Variants in ZNF366 observed in about 807,000 individuals in gnomAD.
ZNF366 encodes the protein dendritic cell-specific transcript protein.
A neutral mutation model predicts 47.2 loss-of-function variants in ZNF366; 20 were observed. The observed-to-expected ratio is 0.42, with a 90% CI of 0.30 to 0.62. ZNF366 has a LOEUF of 0.62. Ranked by LOEUF, ZNF366 falls within the 20% of genes least tolerant of loss-of-function variation. The pLI, the probability that ZNF366 is intolerant of heterozygous loss-of-function variation, is 0.16. For synonymous variants in ZNF366, 421 were observed against 395.1 expected, an observed-to-expected ratio of 1.07 and a Z score of -0.78; for missense variants, 987 against 976.3, an observed-to-expected ratio of 1.01 and a Z score of -0.15.
intron 3 of ZNF366, among the ~76,000 whole-genome samples, chr5:72,447,743 A>G (rs1742989295): frequency 6.6e-6 from 1 of 152,246 alleles, no homozygotes; most frequent in Non-Finnish European, 1.5e-5. Flanking sequence ...TCCTTTAATA[A>G]TAAGAATGTG....
rs1693693356 is a variant in ZNF366, at chr5:72,444,241, T to A, written c.1750A>T (p.Ser584Cys). ...ALAQTAGVLR[S>C]LEQEEPFDLS... Reference sequence around the variant, plus strand: ...TCAAAGGGCTCCTCCTGCTCCAGACTCCTCAGGACACCGGCTGTCTGTGCC... The same window carrying A: ...TCAAAGGGCTCCTCCTGCTCCAGACACCTCAGGACACCGGCTGTCTGTGCC... Residue 584 changes from serine (S) to cysteine (C), a missense_variant, in exon 5 of 5, where the codon AGT becomes TGT. Coordinates refer to ENST00000318442, the MANE Select transcript of ZNF366 (RefSeq NM_152625.3). The A allele has an allele frequency of 6.2e-7, 1 of 1,613,384 alleles. No individual in the cohort carries two copies. Among genetic ancestry groups the A allele is most frequent in the South Asian group, 1.1e-5 (1 of 91,086 alleles).
At chr5:72,493,918 C>CTTTTTTTTTTTTTTTT (rs70999281) in intron 1 of ZNF366, among the ~76,000 whole-genome samples, 1 of 62,514 alleles carries the variant, frequency 1.6e-5, no homozygotes, top group East Asian at 6.1e-4. Flanking sequence ...CCATGCCCAG[C>CTTTTTTTTTTTTTTTT]TTTTTTTTTT....
intron 1 of ZNF366, among the ~76,000 whole-genome samples, chr5:72,491,547 A>G (rs1273293216): frequency 6.6e-6 from 1 of 152,204 alleles, no homozygotes; most frequent in East Asian, 1.9e-4. Flanking sequence ...TCTCTAAGCC[A>G]CAGTTTCCTC....
chr5:72,495,873 C>T (rs917081831), intron 1 of ZNF366, among the ~76,000 whole-genome samples: 2 of 152,168 alleles, frequency 1.3e-5, no homozygotes, highest in African/African-American at 4.8e-5. Flanking sequence ...TTAAATGTTT[C>T]CTTACATCCC....
At chr5:72,475,889 G>A (rs1743664195) in intron 1 of ZNF366, among the ~76,000 whole-genome samples, 1 of 152,078 alleles carries the variant, frequency 6.6e-6, no homozygotes, top group African/African-American at 2.4e-5. Flanking sequence ...GTGACACCAT[G>A]CCGTCATGAA....
rs1742823082 is a variant in ZNF366 at position 72,439,925 on chromosome 5, C to T, written c.*3831G>A. Reference sequence around the variant, plus strand: ...AGCTTTTTCAACATGTCTTTATTTGCTTAAATTAACAAAATATAGGTTACA... The same window carrying T: ...AGCTTTTTCAACATGTCTTTATTTGTTTAAATTAACAAAATATAGGTTACA... On this transcript the variant is annotated 3_prime_UTR_variant, in exon 5 of 5. Coordinates refer to ENST00000318442, the MANE Select transcript of ZNF366 (RefSeq NM_152625.3). 6.6e-6 allele frequency: 1 copy of T among 152,172 alleles called. No individual in the cohort carries two copies. Among genetic ancestry groups the T allele is most frequent in the Non-Finnish European group, 1.5e-5 (1 of 68,028 alleles). The allele number at this position is 152,172 out of a possible 1,614,324, so 9.4% of individuals were successfully genotyped here. A position where few individuals can be genotyped will look rare whatever the true frequency, so the allele number is the denominator to read the frequency against.
At chr5:72,504,043 A>ACATGCACACACG (rs1233184195) in intron 1 of ZNF366, among the ~76,000 whole-genome samples, 1 of 151,710 alleles carries the variant, frequency 6.6e-6, no homozygotes, top group East Asian at 1.9e-4. Flanking sequence ...CCACACACAC[A>ACATGCACACACG]CATGCACACA....
chr5:72,456,159 T>G (rs1010858688), intron 3 of ZNF366, among the ~76,000 whole-genome samples: 5 of 152,182 alleles, frequency 3.3e-5, no homozygotes, highest in African/African-American at 1.2e-4. Flanking sequence ...TGCCTGGCTC[T>G]ACCCCTGGGC....
intron 1 of ZNF366, among the ~76,000 whole-genome samples, chr5:72,498,438 C>A (rs1744153426): frequency 6.6e-6 from 1 of 152,166 alleles, no homozygotes; most frequent in Admixed American, 6.5e-5. Flanking sequence ...AGTACACACA[C>A]TCAATCCTCT....
chr5:72,456,373 C>A (rs1298807536), intron 3 of ZNF366, 31 bp downstream of exon 3: 4 of 1,567,048 alleles, frequency 2.6e-6, no homozygotes, highest in Non-Finnish European at 2.6e-6. Context: ...TTTGCACAAC[C>A]CTCTGGTTCC....
intron 1 of ZNF366, among the ~76,000 whole-genome samples, chr5:72,497,874 T>G (rs929094281): frequency 6.6e-6 from 1 of 152,362 alleles, no homozygotes; most frequent in Middle Eastern, 3.4e-3. Flanking sequence ...TTTTATTTTG[T>G]GCATGTTTAT....
intron 1 of ZNF366, among the ~76,000 whole-genome samples, chr5:72,477,887 G>T (rs1580246534): frequency 6.6e-6 from 1 of 152,010 alleles, no homozygotes; most frequent in East Asian, 1.9e-4. Context: ...AAAAAAAAGT[G>T]GTGGGCTGGA....
intron 4 of ZNF366, among the ~76,000 whole-genome samples, chr5:72,445,498 T>C (rs531670545): frequency 6.6e-6 from 1 of 152,332 alleles, no homozygotes; most frequent in East Asian, 1.9e-4. Context: ...TTTTGAGCCA[T>C]TTCAAAAGCT....
intron 1 of ZNF366, among the ~76,000 whole-genome samples, chr5:72,497,441 T>C (rs1293857085): frequency 6.6e-6 from 1 of 152,170 alleles, no homozygotes; most frequent in Non-Finnish European, 1.5e-5. Flanking sequence ...ATTGAACATA[T>C]ACTGAGAGTC....
chr5:72,492,701 G>T (rs1415943176), intron 1 of ZNF366, among the ~76,000 whole-genome samples: 1 of 152,220 alleles, frequency 6.6e-6, no homozygotes, highest in African/African-American at 2.4e-5. Flanking sequence ...TTTTAAGCTA[G>T]CTAAACATTG....
At chr5:72,501,830 G>A (rs1744216000) in intron 1 of ZNF366, among the ~76,000 whole-genome samples, 1 of 152,204 alleles carries the variant, frequency 6.6e-6, no homozygotes, top group Admixed American at 6.5e-5. Flanking sequence ...TGCAACAACA[G>A]TCTTTTCTGT....
At chr5:72,477,641 ATCAGTACAATT>A (rs1200209389) in intron 1 of ZNF366, among the ~76,000 whole-genome samples, 1 of 152,226 alleles carries the variant, frequency 6.6e-6, no homozygotes, top group Non-Finnish European at 1.5e-5. Context: ...CTATGGTTTA[ATCAGTACAATT>A]ATCCCTATTT....
chr5:72,447,915 G>A (rs1184093647), intron 3 of ZNF366, among the ~76,000 whole-genome samples: 1 of 152,032 alleles, frequency 6.6e-6, no homozygotes, highest in Non-Finnish European at 1.5e-5. Context: ...TCACTTGGCC[G>A]AGGCATACAA....
chr5:72,485,391 C>T (rs762857047), intron 1 of ZNF366, among the ~76,000 whole-genome samples: 5 of 152,150 alleles, frequency 3.3e-5, no homozygotes, highest in Non-Finnish European at 5.9e-5. Flanking sequence ...AGCTGTGTCC[C>T]TTCCTTCTTT....
Sources: gnomAD v4.1 joint callset for allele counts (sites outside exome capture counted in the v4.1 genomes callset) on GRCh38, gnomAD v4.1.1 for gene constraint, MANE v1.5 for transcripts, NCBI Gene and HGNC (gene_info 2026-07-23, HGNC 2026-07-21) for gene names.